OSBP2: variants seen among roughly 807,000 people sequenced by gnomAD.
The protein encoded by OSBP2 is oxysterol binding protein 2.
OSBP2 carries 66 observed loss-of-function variants against 96.0 expected under a neutral mutation model. That is an observed-to-expected ratio of 0.69 (90% CI 0.56 to 0.84). The LOEUF is 0.84. OSBP2 is among the 40% of genes least tolerant of loss of function. The pLI, the probability that OSBP2 is intolerant of heterozygous loss-of-function variation, is 0.00. For synonymous variants in OSBP2, 525 were observed against 520.9 expected, an observed-to-expected ratio of 1.01 and a Z score of -0.11; for missense variants, 1,038 against 1,222.7, an observed-to-expected ratio of 0.85 and a Z score of 2.25.
chr22:30,788,838 G>A lies in OSBP2; in HGVS notation c.853+47469G>A, dbSNP rs371722646. Among the ~76,000 whole-genome samples the A allele has an allele frequency of 3.9e-4, 60 of 152,092 alleles. 2 individuals carry two copies. Among genetic ancestry groups the A allele is most frequent in the East Asian group, 2.9e-3 (15 of 5,166 alleles). On this transcript the variant is annotated intron_variant, in intron 2 of 13. Coordinates refer to ENST00000332585, the MANE Select transcript of OSBP2 (RefSeq NM_030758.4). ...AGCGATTCTCCTGCCTCAGCCTTCC[G>A]AGTAGCTGGGATTACAGGCGCCTGC...
At chr22:30,786,612 C>G (rs79006300) in intron 2 of OSBP2, among the ~76,000 whole-genome samples, 10,066 of 151,236 alleles carry the variant, frequency 0.067, 484 homozygotes, top group Non-Finnish European at 0.095. Context: ...GAGGAATTCA[C>G]TTGTTGAAGA....
intron 2 of OSBP2, among the ~76,000 whole-genome samples, chr22:30,824,435 T>C (rs2038354333): frequency 6.6e-6 from 1 of 152,150 alleles, no homozygotes; most frequent in Admixed American, 6.5e-5. Flanking sequence ...TCAGGTGTTC[T>C]GTGTGAAAAT....
rs2038298236 is a variant in OSBP2 at position 30,822,546 on chromosome 22, C to T, written c.854-47883C>T. The T allele has an allele frequency of 5.7e-6, 8 of 1,410,918 alleles. No homozygotes were observed. In the South Asian group the frequency reaches 6.0e-5, roughly 11 times the overall value. 87.4% of individuals were successfully genotyped at this position (1,410,918 alleles called of 1,614,324 possible). ...TCCGCCGCCTCCGCCGGGCGGCCCA[C>T]CGAGCTGTGCACGCGTCCGTGCAAG... On this transcript the variant is annotated intron_variant, in intron 2 of 13. Transcript: ENST00000332585.
In OSBP2 at chr22:30,890,611, G is replaced by A. The variant is rs975496113; in HGVS notation, c.1624-117G>A. ...ACTGTTGGACAGGGCCATCTGAGGA[G>A]CCTCACTGTGAAGGTGCTGTCTGAG... On this transcript the variant is annotated intron_variant, in intron 7 of 13. Coordinates refer to ENST00000332585, the MANE Select transcript of OSBP2 (RefSeq NM_030758.4). This position sits in a 1 kb window ranked among gnomAD's most constrained non-coding sequence, Gnocchi z 4.4. 2.6e-6 allele frequency: 3 copies of A among 1,135,674 alleles called. No homozygotes were observed. Among genetic ancestry groups the A allele is most frequent in the Middle Eastern group, 2.5e-4 (1 of 4,028 alleles). The allele number at this position is 1,135,674 out of a possible 1,614,324, so 70.3% of individuals were successfully genotyped here.
chr22:30,894,308 C>A, intron 12 of OSBP2: 1 of 316,354 alleles, frequency 3.2e-6, no homozygotes, highest in Non-Finnish European at 5.9e-6. Context: ...TAAAATGTGG[C>A]ATAGGAAAGT....
chr22:30,761,387 A>G (rs2090202978), intron 2 of OSBP2, among the ~76,000 whole-genome samples: 1 of 152,214 alleles, frequency 6.6e-6, no homozygotes, highest in Non-Finnish European at 1.5e-5. Context: ...ATTATAACAA[A>G]ACAAATATAG....
In OSBP2 at chr22:30,906,707, C is replaced by CT; in HGVS notation, c.*374dup. 1 of 195,602 alleles carries CT rather than the reference C, an allele frequency of 5.1e-6. No homozygotes were observed. Among genetic ancestry groups the CT allele is most frequent in the Middle Eastern group, 1.9e-3 (1 of 540 alleles). 12.1% of individuals were successfully genotyped at this position (195,602 alleles called of 1,614,324 possible). ...GGCCCCTCCTAGGGAGCCTCTTCGACTTTTTTAGAAAAATGATCTCCATTT... is the reference window on the plus strand; with the variant it reads ...GGCCCCTCCTAGGGAGCCTCTTCGACTTTTTTTAGAAAAATGATCTCCATTT... On this transcript the variant is annotated 3_prime_UTR_variant, in exon 14 of 14. Transcript: ENST00000332585.
intron 2 of OSBP2, among the ~76,000 whole-genome samples, chr22:30,801,275 A>ATTT (rs2090847373): frequency 6.6e-6 from 1 of 152,218 alleles, no homozygotes; most frequent in Non-Finnish European, 1.5e-5. Context: ...AATAAAAAAG[A>ATTT]GAAGAAAGAA....
At chr22:30,872,427 T>C (rs938485671) in intron 3 of OSBP2, 2 of 455,258 alleles carry the variant, frequency 4.4e-6, no homozygotes, top group African/African-American at 4.0e-5. Flanking sequence ...GCTGCCGTCT[T>C]GCACAGTCTT....
chr22:30,893,592 T>C lies in OSBP2; in HGVS notation c.2094+26T>C, dbSNP rs200418078. 542 of 1,612,812 alleles carry C rather than the reference T, an allele frequency of 3.4e-4. 6 individuals carry two copies. The East Asian group carries it at 0.011, about 33-fold the overall frequency. On this transcript the variant is annotated intron_variant, in intron 10 of 13. Coordinates refer to ENST00000332585, the MANE Select transcript of OSBP2 (RefSeq NM_030758.4). Reference sequence around the variant, plus strand: ...GTCAGGGGCGCCCTTGGGGAGGGGGTGCATGGCCCGGGGGCTGGCCGCTGA... The same window carrying C: ...GTCAGGGGCGCCCTTGGGGAGGGGGCGCATGGCCCGGGGGCTGGCCGCTGA...
chr22:30,805,093 A>G (rs1238421158), intron 2 of OSBP2, among the ~76,000 whole-genome samples: 2 of 152,226 alleles, frequency 1.3e-5, no homozygotes, highest in Non-Finnish European at 2.9e-5. Context: ...TCTCTTCTGT[A>G]ACTGAGGAAG....
intron 2 of OSBP2, chr22:30,822,398 A>G (rs2038293093): frequency 2.7e-6 from 2 of 745,000 alleles, no homozygotes; most frequent in Admixed American, 4.4e-5. Context: ...AGGAAGTGGT[A>G]GGCAGCACCG....
At chr22:30,787,655 A>G (rs901442874) in intron 2 of OSBP2, among the ~76,000 whole-genome samples, 7 of 152,216 alleles carry the variant, frequency 4.6e-5, no homozygotes, top group Non-Finnish European at 8.8e-5. Flanking sequence ...CCTGGGTAAC[A>G]GAAGGATACT....
At chr22:30,819,786 C>T (rs1177608508) in intron 2 of OSBP2, among the ~76,000 whole-genome samples, 4 of 152,160 alleles carry the variant, frequency 2.6e-5, no homozygotes, top group Non-Finnish European at 5.9e-5. Context: ...CTCAATTACC[C>T]AGCTGTAAGC....
chr22:30,822,286 G>T (rs2038290194), intron 2 of OSBP2, among the ~76,000 whole-genome samples: 1 of 152,230 alleles, frequency 6.6e-6, no homozygotes. Flanking sequence ...TCGGATTTTC[G>T]CATTAAAATG....
chr22:30,889,200 G>T lies in OSBP2; in HGVS notation c.1442G>T (p.Gly481Val). The T allele has an allele frequency of 2.5e-6, 4 of 1,613,624 alleles. No homozygotes were observed. Among genetic ancestry groups the T allele is most frequent in the Non-Finnish European group, 3.4e-6 (4 of 1,179,898 alleles). The change falls in exon 6 of 14, where the codon GGG becomes GTG. Residue 481 changes from glycine (G) to valine (V), a missense_variant. Transcript: ENST00000332585. ...AGCAGAAAAGCTGAAGGTAGCACCG[G>T]GACAAGTTCCGTGGACTGGAGCTCA... ...EDSRKAEGSTGTSSVDWSSAD... is the reference protein window; with the variant it reads ...EDSRKAEGSTVTSSVDWSSAD...
At chr22:30,827,033 G>A (rs1253138906) in intron 2 of OSBP2, among the ~76,000 whole-genome samples, 1 of 152,174 alleles carries the variant, frequency 6.6e-6, no homozygotes, top group Non-Finnish European at 1.5e-5. Flanking sequence ...GCTGTGTATT[G>A]GAGGATGAGT....
chr22:30,811,739 G>A (rs1267668505), intron 2 of OSBP2, among the ~76,000 whole-genome samples: 2 of 151,614 alleles, frequency 1.3e-5, no homozygotes, highest in African/African-American at 4.9e-5. Context: ...GTTTTTAGTA[G>A]AGACGGGGTT....
chr22:30,741,470 C>G, intron 2 of OSBP2, 101 bp downstream of exon 2: 1 of 971,314 alleles, frequency 1.0e-6, no homozygotes. Context: ...GCCAGGAGAC[C>G]CAGGCCAGCG....
Sources: gnomAD v4.1 joint callset for allele counts (sites outside exome capture counted in the v4.1 genomes callset) on GRCh38, gnomAD v4.1.1 for gene constraint, Gnocchi (gnomAD v3.1) non-coding constraint, MANE v1.5 for transcripts, NCBI Gene and HGNC (gene_info 2026-07-23, HGNC 2026-07-21) for gene names.